Variants in LARGE1 observed in about 807,000 individuals in gnomAD.
LARGE1 encodes the protein xylosyl- and glucuronyltransferase LARGE1.
LARGE1 carries 43 observed loss-of-function variants against 87.6 expected under a neutral mutation model. The observed-to-expected ratio is 0.49, with a 90% CI of 0.38 to 0.63. The LOEUF is 0.63. Ranked by LOEUF, LARGE1 falls within the 30% of genes least tolerant of loss-of-function variation. The probability of loss-of-function intolerance (pLI) is 0.00; values close to 1 mark genes in which losing one functional copy is unlikely to be tolerated. For missense variants in LARGE1, 802 were observed against 1,000.2 expected, an observed-to-expected ratio of 0.80 and a Z score of 2.67; for synonymous variants, 434 against 394.6, an observed-to-expected ratio of 1.10 and a Z score of -1.18.
chr22:33,708,079 C>G (rs1303001126), intron 2 of LARGE1, among the ~76,000 whole-genome samples: 9 of 152,114 alleles, frequency 5.9e-5, no homozygotes, highest in African/African-American at 2.2e-4. Flanking sequence ...CCAGAAGGAC[C>G]CTTAGGGAAA....
chr22:33,543,967 C>A (rs1333531382), intron 6 of LARGE1, among the ~76,000 whole-genome samples: 1 of 152,238 alleles, frequency 6.6e-6, no homozygotes, highest in Non-Finnish European at 1.5e-5. Context: ...TAAACACCTG[C>A]TTTCCTTCTG....
intron 3 of LARGE1, among the ~76,000 whole-genome samples, chr22:33,636,748 T>C (rs1315033162): frequency 6.6e-6 from 1 of 151,708 alleles, no homozygotes; most frequent in African/African-American, 2.4e-5. Flanking sequence ...CCCAGGCTGG[T>C]CTTGAACTCC....
At chr22:33,481,860 A>C (rs1274315003) in intron 6 of LARGE1, among the ~76,000 whole-genome samples, 1 of 152,200 alleles carries the variant, frequency 6.6e-6, no homozygotes, top group Non-Finnish European at 1.5e-5. Context: ...GGCAGTGGCC[A>C]CCTCATTTAG....
intron 1 of LARGE1, among the ~76,000 whole-genome samples, chr22:33,802,051 G>A (rs2086178110): frequency 1.3e-5 from 2 of 151,616 alleles, no homozygotes; most frequent in Admixed American, 1.3e-4. Context: ...AAAAAAAGAG[G>A]GGTTAACAAT....
chr22:33,784,001 T>G (rs1239031656), intron 1 of LARGE1, among the ~76,000 whole-genome samples: 1 of 152,086 alleles, frequency 6.6e-6, no homozygotes, highest in Non-Finnish European at 1.5e-5. Flanking sequence ...CTCTCTTTCT[T>G]TTTTCTTTTT....
intron 9 of LARGE1, among the ~76,000 whole-genome samples, chr22:33,345,840 T>C (rs757098472): frequency 1.3e-5 from 2 of 152,216 alleles, no homozygotes; most frequent in Non-Finnish European, 2.9e-5. Flanking sequence ...CAGCCAATAC[T>C]TCTGATGCAC....
chr22:33,489,380 A>T (rs959896049), intron 6 of LARGE1, among the ~76,000 whole-genome samples: 2 of 152,196 alleles, frequency 1.3e-5, no homozygotes, highest in African/African-American at 4.8e-5. Context: ...TGCGCAGGGC[A>T]GTGTTCTGAG....
chr22:33,895,338 TC>T (rs1433928865), intron 1 of LARGE1, among the ~76,000 whole-genome samples: 1 of 152,216 alleles, frequency 6.6e-6, no homozygotes, highest in Non-Finnish European at 1.5e-5. Context: ...CAGGCAGGTC[TC>T]CTGGGAGGCT....
At chr22:33,068,991 C>T in the LARGE1 span, among the ~76,000 whole-genome samples, 1 of 152,144 alleles carries the variant, frequency 6.6e-6, no homozygotes, top group African/African-American at 2.4e-5. Flanking sequence ...TAAGTGGTGG[C>T]CTGTTTGACT....
At chr22:33,287,913 G>C (rs1022884280) in intron 12 of LARGE1, among the ~76,000 whole-genome samples, 1 of 152,218 alleles carries the variant, frequency 6.6e-6, no homozygotes, top group African/African-American at 2.4e-5. Context: ...AAGGCGTCTA[G>C]CTCTGACTCT....
At chr22:33,724,879 G>A (rs1336157036) in intron 2 of LARGE1, 1 of 152,402 alleles carries the variant, frequency 6.6e-6, no homozygotes, top group East Asian at 1.9e-4. Flanking sequence ...ATACAGTGGA[G>A]GCATCAGGCA....
chr22:33,756,195 G>A (rs2084507224), intron 2 of LARGE1, among the ~76,000 whole-genome samples: 1 of 152,116 alleles, frequency 6.6e-6, no homozygotes, highest in African/African-American at 2.4e-5. Context: ...AGGCAATGAT[G>A]AGACCTGTCA....
intron 1 of LARGE1, among the ~76,000 whole-genome samples, chr22:33,895,940 T>C (rs1009201995): frequency 2.0e-5 from 3 of 151,382 alleles, no homozygotes; most frequent in Non-Finnish European, 4.4e-5. Flanking sequence ...ACACATCACA[T>C]AAAACTTACA....
At chr22:33,886,689 GGGAGGGAGGGAA>G (rs1220700607) in intron 1 of LARGE1, among the ~76,000 whole-genome samples, 25 of 146,826 alleles carry the variant, frequency 1.7e-4, no homozygotes, top group Non-Finnish European at 3.3e-4. Flanking sequence ...AAAAAAGGAA[GGGAGGGAGGGAA>G]GGAGGGAGGG....
At chr22:33,909,245 G>C (rs2065550713) in intron 1 of LARGE1, among the ~76,000 whole-genome samples, 1 of 152,142 alleles carries the variant, frequency 6.6e-6, no homozygotes. Flanking sequence ...ATGTTTGTGA[G>C]CCAGTGATTC....
At chr22:33,855,581 T>C (rs2063734406) in intron 1 of LARGE1, among the ~76,000 whole-genome samples, 2 of 152,146 alleles carry the variant, frequency 1.3e-5, no homozygotes, top group African/African-American at 4.8e-5. Context: ...CCAGCCAAGA[T>C]GGCAGGAATC....
At chr22:33,421,806 T>C (rs1466261338) in intron 7 of LARGE1, among the ~76,000 whole-genome samples, 1 of 152,132 alleles carries the variant, frequency 6.6e-6, no homozygotes, top group Non-Finnish European at 1.5e-5. Flanking sequence ...TGAGAAGGCA[T>C]TGTCTGCTTT....
chr22:33,835,406 C>T (rs1007031959), intron 1 of LARGE1, among the ~76,000 whole-genome samples: 5 of 152,190 alleles, frequency 3.3e-5, no homozygotes, highest in African/African-American at 9.6e-5. Context: ...GCAAGGACTT[C>T]CTAGTTCTAT....
At chr22:33,293,634 G>A (rs1351233883) in intron 12 of LARGE1, among the ~76,000 whole-genome samples, 2 of 152,212 alleles carry the variant, frequency 1.3e-5, no homozygotes, top group East Asian at 1.9e-4. Flanking sequence ...CAAAAAGGGA[G>A]AAGGCAGGAG....
Sources: gnomAD v4.1 joint callset for allele counts (sites outside exome capture counted in the v4.1 genomes callset) on GRCh38, gnomAD v4.1.1 for gene constraint, MANE v1.5 for transcripts, NCBI Gene and HGNC (gene_info 2026-07-23, HGNC 2026-07-21) for gene names.